The following PARP1 variants were observed in gnomAD, a reference collection of about 807,000 sequenced individuals.
PARP1 encodes the protein poly(ADP-ribose) polymerase 1, also known as poly [ADP-ribose] polymerase 1.
Under a neutral mutation model 118.7 loss-of-function variants are expected in PARP1, and 44 were observed. The ratio of observed to expected loss-of-function variants is 0.37; its 90% CI spans 0.29 to 0.48. PARP1 has a LOEUF of 0.48. Among genes scored for constraint, PARP1 ranks in the 20% least tolerant of loss-of-function variants. The pLI, the probability that PARP1 is intolerant of heterozygous loss-of-function variation, is 0.99. For synonymous variants in PARP1, 492 were observed against 483.2 expected (o/e 1.02, Z -0.24); for missense variants, 1,100 against 1,272.4 (o/e 0.86, Z 2.06).
chr1:226,374,117 A>G, intron 14 of PARP1, 109 bp downstream of exon 14: 1 of 1,273,618 alleles, frequency 7.9e-7, no homozygotes, highest in Non-Finnish European at 1.1e-6. Flanking sequence ...CTGACAGCCA[A>G]TGTATTGTTT....
Position 226,361,386 on chromosome 1 carries a change from G to A in PARP1, c.*74C>T. The A allele has an allele frequency of 1.1e-6, 1 of 934,330 alleles. No individual in the cohort carries two copies. Among genetic ancestry groups the A allele is most frequent in the Non-Finnish European group, 1.8e-6 (1 of 569,904 alleles). 57.9% of individuals were successfully genotyped at this position (934,330 alleles called of 1,614,324 possible). ...CTACCCATCAGCAACTTAGCGGCCAGGTGAGTTGGTGCAGAAGCGCTTCGG... is the reference window on the plus strand; with the variant it reads ...CTACCCATCAGCAACTTAGCGGCCAAGTGAGTTGGTGCAGAAGCGCTTCGG... On this transcript the variant is annotated 3_prime_UTR_variant, in exon 23 of 23. Transcript: ENST00000366794.
chr1:226,371,787 C>T (rs770260667), intron 14 of PARP1, among the ~76,000 whole-genome samples: 8 of 152,312 alleles, frequency 5.3e-5, no homozygotes, highest in South Asian at 2.1e-4. Flanking sequence ...ACATTTTCCA[C>T]GCTGTATAAT....
chr1:226,394,261 G>A (rs1289706784), intron 2 of PARP1, among the ~76,000 whole-genome samples: 1 of 152,208 alleles, frequency 6.6e-6, no homozygotes, highest in African/African-American at 2.4e-5. Flanking sequence ...GGAAGCTAAG[G>A]TAAGAAGATT....
rs1665053051 is a variant in PARP1 at position 226,402,290 on chromosome 1, C to T, written c.210G>A (p.Glu70=). The T allele has an allele frequency of 6.2e-7, 1 of 1,614,180 alleles. No individual in the cohort carries two copies. Among genetic ancestry groups the T allele is most frequent in the Non-Finnish European group, 8.5e-7 (1 of 1,180,040 alleles). ...VGHSIRHPDV[E]VDGFSELRWD... is the part of the protein sequence containing the mutation. ...ACCGAAGCTCAGAGAACCCATCCAC[C>T]TCAACGTCAGGGTGCCGGATGGAGT... Residue 70 remains glutamate (E), a synonymous_variant, in exon 2 of 23, where the codon GAG becomes GAA. Coordinates refer to ENST00000366794, the MANE Select transcript of PARP1 (RefSeq NM_001618.4).
In PARP1 at chr1:226,368,115, G is replaced by A; in HGVS notation, c.2277+84C>T. ...CCTCCCAGCATTGGTGCTGCCCTCAGGGATCATGATGGGGAGGGACGGCTG... is the reference window on the plus strand; with the variant it reads ...CCTCCCAGCATTGGTGCTGCCCTCAAGGATCATGATGGGGAGGGACGGCTG... On this transcript the variant is annotated intron_variant, in intron 16 of 22. Transcript: ENST00000366794. 4 of 1,574,930 alleles carry A rather than the reference G, an allele frequency of 2.5e-6. No individual in the cohort carries two copies. In the South Asian group the frequency reaches 4.4e-5, roughly 17 times the overall value.
intron 4 of PARP1, 127 bp downstream of exon 4, chr1:226,390,283 G>C: frequency 2.4e-6 from 2 of 842,390 alleles, no homozygotes; most frequent in South Asian, 1.4e-5. Context: ...TCCTCAGTTT[G>C]CATCTCCCTG....
intron 2 of PARP1, among the ~76,000 whole-genome samples, chr1:226,399,419 GA>G (rs1406098544): frequency 2.0e-5 from 3 of 152,104 alleles, no homozygotes; most frequent in African/African-American, 7.2e-5. Flanking sequence ...AAGCCAATCT[GA>G]AAAGGCTACC....
In PARP1 at chr1:226,383,136, C is replaced by T. The variant is rs764735401; in HGVS notation, c.1059G>A (p.Gln353=). Residue 353 remains glutamine (Q), a synonymous_variant, in exon 8 of 23, where the codon CAG becomes CAA. Coordinates refer to ENST00000366794, the MANE Select transcript of PARP1 (RefSeq NM_001618.4). The part of the protein sequence containing the change: ...SYLKKLKVKK[Q]DRIFPPETSA... The stretch of plus-strand genomic sequence containing the variant: ...TGGTTTCTGGGGGGAATATACGGTC[C>T]TGTTTTTTAACCTTCAATTTCTTGA... The T allele has an allele frequency of 6.8e-6, 11 of 1,612,974 alleles. No homozygotes were observed. The Admixed American group carries it at 1.8e-4, about 27-fold the overall frequency.
intron 16 of PARP1, 45 bp downstream of exon 16, chr1:226,368,154 C>T (rs1664307568): frequency 1.2e-6 from 2 of 1,613,006 alleles, no homozygotes; most frequent in East Asian, 2.2e-5. Context: ...GGTAGTCACA[C>T]CCCAGCCCAG....
chr1:226,392,380 G>A lies in PARP1; in HGVS notation c.287-66C>T, dbSNP rs1013063430. 101 of 1,106,784 alleles carry A rather than the reference G, an allele frequency of 9.1e-5. No homozygotes were observed. In the East Asian group the frequency reaches 9.4e-4, roughly 10 times the overall value. The allele number at this position is 1,106,784 out of a possible 1,614,324, so 68.6% of individuals were successfully genotyped here. A position where few individuals can be genotyped will look rare whatever the true frequency, so the allele number is the denominator to read the frequency against. On this transcript the variant is annotated intron_variant, in intron 2 of 22. Transcript: ENST00000366794. ...CCAAAATGCAGCTCAGAGGAGCCCC[G>A]TCCTCTTCTACCTCCCCAGGATCCT...
intron 16 of PARP1, 56 bp from the exon 17 acceptor site, chr1:226,367,664 C>T: frequency 1.2e-6 from 2 of 1,606,382 alleles, no homozygotes; most frequent in Non-Finnish European, 1.7e-6. Context: ...GAGACAGACT[C>T]ACCCAGGTGG....
intron 3 of PARP1, among the ~76,000 whole-genome samples, chr1:226,391,358 C>G (rs1664816447): frequency 6.6e-6 from 1 of 152,094 alleles, no homozygotes; most frequent in Non-Finnish European, 1.5e-5. Flanking sequence ...GGCAAGAATC[C>G]AGTCCTGCCA....
intron 5 of PARP1, among the ~76,000 whole-genome samples, chr1:226,387,022 G>A (rs1664729263): frequency 1.3e-5 from 2 of 152,150 alleles, no homozygotes; most frequent in African/African-American, 4.8e-5. Context: ...TCACTCTGTT[G>A]CCCAGACTGG....
rs370284028 is a variant in PARP1 at position 226,366,015 on chromosome 1, C to T, written c.2444G>A (p.Arg815Lys). ...TGCATGAGTGTTCTTAACATACTTC[C>T]TGATGATCTCGGCTTCTTCAGAATC... ...DRDSEEAEII[R>K]KYVKNTHATT... Residue 815 changes from arginine (R) to lysine (K), a missense_variant, in exon 18 of 23, where the codon AGG becomes AAG. Physicochemically the swap from Arg to Lys is conservative, Grantham distance 26. Coordinates refer to ENST00000366794, the MANE Select transcript of PARP1 (RefSeq NM_001618.4). 1.4e-5 allele frequency: 22 copies of T among 1,613,496 alleles called. No individual in the cohort carries two copies. In the African/African-American group the frequency reaches 2.0e-4, roughly 15 times the overall value.
chr1:226,370,573 G>A, intron 14 of PARP1, 56 bp from the exon 15 acceptor site: 1 of 1,423,780 alleles, frequency 7.0e-7, no homozygotes. Context: ...TGTGATCGCA[G>A]GAGAGCTGGA....
chr1:226,382,482 C>A (rs1664634921), intron 8 of PARP1, among the ~76,000 whole-genome samples: 1 of 152,174 alleles, frequency 6.6e-6, no homozygotes. Context: ...TTCTTAGGAG[C>A]CCCTCTCCTA....
intron 7 of PARP1, among the ~76,000 whole-genome samples, chr1:226,383,878 C>T (rs902415608): frequency 2.0e-5 from 3 of 152,200 alleles, no homozygotes; most frequent in African/African-American, 7.2e-5. Flanking sequence ...TGCCTGTGTT[C>T]AGGATGTCAG....
rs753436883 is a variant in PARP1 at position 226,360,926 on chromosome 1, ACACCCCT to A, written c.*527_*533del. On this transcript the variant is annotated 3_prime_UTR_variant, in exon 23 of 23. Transcript: ENST00000366794. The stretch of plus-strand genomic sequence containing the variant: ...TAGCGTTCCTTCCTTTGGTCTTCCC[ACACCCCT>A]CACCACAAGAGGCAAACAAAAAAAA... The A allele has an allele frequency of 4.4e-6, 1 of 228,630 alleles. No homozygotes were observed. Among genetic ancestry groups the A allele is most frequent in the Non-Finnish European group, 8.7e-6 (1 of 115,046 alleles). The allele number at this position is 228,630 out of a possible 1,614,324, so 14.2% of individuals were successfully genotyped here. A position where few individuals can be genotyped will look rare whatever the true frequency, so the allele number is the denominator to read the frequency against.
intron 5 of PARP1, among the ~76,000 whole-genome samples, chr1:226,387,959 A>C (rs1664747740): frequency 6.6e-6 from 1 of 152,176 alleles, no homozygotes; most frequent in Admixed American, 6.5e-5. Context: ...TAATTTTAGT[A>C]CCACTAGTAA....
Sources: gnomAD v4.1 joint callset for allele counts (sites outside exome capture counted in the v4.1 genomes callset) on GRCh38, gnomAD v4.1.1 for gene constraint, MANE v1.5 for transcripts, NCBI Gene and HGNC (gene_info 2026-07-23, HGNC 2026-07-21) for gene names.